MACROD2: variants seen among roughly 807,000 people sequenced by gnomAD.
The protein encoded by MACROD2 is mono-ADP ribosylhydrolase 2, also known as ADP-ribose glycohydrolase MACROD2.
MACROD2 carries 36 observed loss-of-function variants against 70.4 expected under a neutral mutation model. The ratio of observed to expected loss-of-function variants is 0.51; its 90% CI spans 0.39 to 0.68. The LOEUF (loss-of-function observed/expected upper bound fraction) is 0.68, where lower values mean the gene tolerates loss of function less well. MACROD2 is among the 30% of genes least tolerant of loss of function. MACROD2 has a pLI of 0.00. For synonymous variants in MACROD2, 172 were observed against 178.8 expected, an observed-to-expected ratio of 0.96 and a Z score of 0.30; for missense variants, 496 against 538.4, an observed-to-expected ratio of 0.92 and a Z score of 0.78.
chr20:14,005,214 A>G (rs985880905), intron 2 of MACROD2, among the ~76,000 whole-genome samples: 1 of 152,170 alleles, frequency 6.6e-6, no homozygotes, highest in African/African-American at 2.4e-5. Context: ...CCCCTTTGGT[A>G]ATATTGGAAA....
At chr20:14,239,715 T>G (rs1316689355) in intron 3 of MACROD2, among the ~76,000 whole-genome samples, 28 of 152,302 alleles carry the variant, frequency 1.8e-4, no homozygotes, top group South Asian at 2.1e-4. Context: ...ATGTAAAACC[T>G]GAAACTATAA....
chr20:15,044,768 A>G (rs2075380294), intron 5 of MACROD2, among the ~76,000 whole-genome samples: 1 of 152,152 alleles, frequency 6.6e-6, no homozygotes. Context: ...GGGTTGCTAC[A>G]GCCTTCCCAC....
intron 8 of MACROD2, among the ~76,000 whole-genome samples, chr20:15,782,538 A>G (rs1052059307): frequency 6.6e-6 from 1 of 151,986 alleles, no homozygotes; most frequent in African/African-American, 2.4e-5. Context: ...TAGCCTGGAC[A>G]ACATGGCAGC....
chr20:15,869,104 A>G (rs6043582), intron 9 of MACROD2, among the ~76,000 whole-genome samples: 140,978 of 150,730 alleles, frequency 0.94, 66,376 homozygotes, highest in East Asian at 1. Flanking sequence ...AATCTCTTTA[A>G]TTTTTTAACC....
intron 8 of MACROD2, among the ~76,000 whole-genome samples, chr20:15,608,989 T>G (rs1267265740): frequency 6.6e-6 from 1 of 152,210 alleles, no homozygotes; most frequent in Non-Finnish European, 1.5e-5. Context: ...TGGGCTCTTC[T>G]TTTTGTTTCT....
intron 5 of MACROD2, among the ~76,000 whole-genome samples, chr20:14,786,194 C>G (rs958156296): frequency 3.0e-5 from 3 of 98,960 alleles, no homozygotes; most frequent in African/African-American, 1.2e-4. Context: ...TTGGTTCACT[C>G]AGAGAAAGAT....
intron 5 of MACROD2, among the ~76,000 whole-genome samples, chr20:14,921,465 T>C (rs1203969373): frequency 6.6e-6 from 1 of 152,222 alleles, no homozygotes; most frequent in Non-Finnish European, 1.5e-5. Flanking sequence ...TGGATACATT[T>C]GAGCCATTTT....
chr20:14,693,904 A>G (rs1009422731), intron 5 of MACROD2, among the ~76,000 whole-genome samples: 2 of 152,172 alleles, frequency 1.3e-5, no homozygotes, highest in Admixed American at 6.5e-5. Flanking sequence ...AAATGGCTCT[A>G]TTATTATTTG....
At chr20:15,923,544 A>G (rs1163936419) in intron 10 of MACROD2, among the ~76,000 whole-genome samples, 3 of 152,130 alleles carry the variant, frequency 2.0e-5, no homozygotes, top group Non-Finnish European at 4.4e-5. Flanking sequence ...CACTCATAGC[A>G]GCAGCATCAC....
chr20:14,832,034 GTTTTTT>G (rs1180071947), intron 5 of MACROD2, among the ~76,000 whole-genome samples: 3 of 63,676 alleles, frequency 4.7e-5, no homozygotes, highest in East Asian at 1.0e-3. Context: ...GCCTTTGCGA[GTTTTTT>G]TTTTTTTTTT....
At chr20:15,282,871 C>T (rs749525772) in intron 6 of MACROD2, among the ~76,000 whole-genome samples, 21 of 152,070 alleles carry the variant, frequency 1.4e-4, no homozygotes, top group Non-Finnish European at 2.8e-4. Context: ...TTTCTTATGC[C>T]GCTATGAAGA....
intron 3 of MACROD2, among the ~76,000 whole-genome samples, chr20:14,308,891 A>G (rs1368243371): frequency 6.6e-6 from 1 of 152,172 alleles, no homozygotes; most frequent in African/African-American, 2.4e-5. Context: ...AAGGATGAGT[A>G]GCAGTGGTTA....
At chr20:15,559,643 A>G (rs770674507) in intron 8 of MACROD2, among the ~76,000 whole-genome samples, 2 of 152,214 alleles carry the variant, frequency 1.3e-5, no homozygotes, top group East Asian at 1.9e-4. Context: ...CAAGAGCCTG[A>G]CAACCATTGG....
intron 4 of MACROD2, among the ~76,000 whole-genome samples, chr20:14,500,019 T>C (rs2084898999): frequency 6.6e-6 from 1 of 152,152 alleles, no homozygotes. Context: ...CTTATAGTGG[T>C]CAGGGAAGGC....
At chr20:15,571,436 T>TC (rs2048375108) in intron 8 of MACROD2, among the ~76,000 whole-genome samples, 1 of 151,766 alleles carries the variant, frequency 6.6e-6, no homozygotes, top group Non-Finnish European at 1.5e-5. Flanking sequence ...TTCTTTTTTT[T>TC]TGGAAATGTT....
chr20:15,155,566 AG>A (rs2076301343), intron 5 of MACROD2, among the ~76,000 whole-genome samples: 1 of 152,172 alleles, frequency 6.6e-6, no homozygotes, highest in Non-Finnish European at 1.5e-5. Context: ...TAGTGATGTC[AG>A]GCTGAGTGAG....
At chr20:14,363,177 A>C (rs866818048) in intron 3 of MACROD2, among the ~76,000 whole-genome samples, 6 of 152,218 alleles carry the variant, frequency 3.9e-5, no homozygotes, top group Non-Finnish European at 5.9e-5. Context: ...CAGGCAAATT[A>C]CTGTTTCTGA....
At chr20:15,954,969 G>A (rs2065956452) in intron 12 of MACROD2, among the ~76,000 whole-genome samples, 1 of 152,160 alleles carries the variant, frequency 6.6e-6, no homozygotes, top group African/African-American at 2.4e-5. Context: ...CACATAACTA[G>A]GTTGCAGGGC....
At chr20:14,908,471 G>A (rs79624859) in intron 5 of MACROD2, among the ~76,000 whole-genome samples, 21,220 of 152,126 alleles carry the variant, frequency 0.14, 1,608 homozygotes, top group Middle Eastern at 0.26. Flanking sequence ...CCTGGCCAAC[G>A]TGACAATTCC....
Sources: gnomAD v4.1 joint callset for allele counts (sites outside exome capture counted in the v4.1 genomes callset) on GRCh38, gnomAD v4.1.1 for gene constraint, MANE v1.5 for transcripts, NCBI Gene and HGNC (gene_info 2026-07-23, HGNC 2026-07-21) for gene names.